Variants in DNAH11 observed in about 807,000 individuals in gnomAD.
DNAH11 encodes the protein dynein axonemal heavy chain 11, also known as axonemal beta dynein heavy chain 11.
Under a neutral mutation model 526.0 loss-of-function variants are expected in DNAH11, and 442 were observed. The observed-to-expected ratio is 0.84, with a 90% CI of 0.78 to 0.91. The LOEUF (loss-of-function observed/expected upper bound fraction) is 0.91, where lower values mean the gene tolerates loss of function less well. Among genes scored for constraint, DNAH11 ranks in the 40% least tolerant of loss-of-function variants. The pLI, the probability that DNAH11 is intolerant of heterozygous loss-of-function variation, is 0.00. For synonymous variants in DNAH11, 2,461 were observed against 1,935.9 expected, an observed-to-expected ratio of 1.27 and a Z score of -7.12; for missense variants, 6,989 against 5,448.7, an observed-to-expected ratio of 1.28 and a Z score of -8.90.
At chr7:21,568,297 T>C (rs1158286829) in intron 6 of DNAH11, among the ~76,000 whole-genome samples, 2 of 152,164 alleles carry the variant, frequency 1.3e-5, no homozygotes, top group African/African-American at 4.8e-5. Context: ...TGTGCGATGA[T>C]AGAGCTGGTG....
Position 21,663,770 on chromosome 7 carries a change from TA to T in DNAH11, c.5328+4742del, listed in dbSNP as rs397779093. Among the ~76,000 whole-genome samples, 7 of 151,280 alleles carry T rather than the reference TA, an allele frequency of 4.6e-5. No homozygotes were observed. In the East Asian group the frequency reaches 7.9e-4, roughly 17 times the overall value. On this transcript the variant is annotated intron_variant, in intron 30 of 81. Transcript: ENST00000409508. ...TGACAGGATTTCCTTTTTTTTTTTTTAAAGACACAATAGTATTTCATTGTGT... is the reference window on the plus strand; with the variant it reads ...TGACAGGATTTCCTTTTTTTTTTTTTAAGACACAATAGTATTTCATTGTGT...
At chr7:21,738,603 G>A in intron 46 of DNAH11, 98 bp from the exon 47 acceptor site, 1 of 1,261,424 alleles carries the variant, frequency 7.9e-7, no homozygotes, top group Non-Finnish European at 1.1e-6. Flanking sequence ...ACCACAGGGT[G>A]GATGAAATCG....
In DNAH11 at chr7:21,779,061, A is replaced by C; in HGVS notation, c.9440A>C (p.Lys3147Thr). Residue 3147 changes from lysine to threonine, a missense_variant, in exon 57 of 82, where the codon AAA becomes ACA. Lys to Thr is a moderately conservative substitution (Grantham distance 78). Coordinates refer to ENST00000409508, the MANE Select transcript of DNAH11 (RefSeq NM_001277115.2). ...ACAAAGATCGGCCTTCAGACGGAGA[A>C]AGTGAGCCGGGAAAAGACCATCGCT... is the stretch of plus-strand genomic sequence containing the variant. ...LITKIGLQTE[K>T]VSREKTIADA... The C allele has an allele frequency of 6.2e-7, 1 of 1,613,466 alleles. No individual in the cohort carries two copies. Among genetic ancestry groups the C allele is most frequent in the African/African-American group, 1.3e-5 (1 of 75,026 alleles).
chr7:21,728,566 A>G (rs1785241174), intron 45 of DNAH11, among the ~76,000 whole-genome samples: 1 of 152,018 alleles, frequency 6.6e-6, no homozygotes, highest in Admixed American at 6.6e-5. Flanking sequence ...GCCTACCAAC[A>G]GCCCAAAATT....
Position 21,619,145 on chromosome 7 carries a change from G to A in DNAH11, c.4300G>A (p.Ala1434Thr), listed in dbSNP as rs772534040. Residue 1434 changes from alanine to threonine, a missense_variant, in exon 24 of 82, where the codon GCA becomes ACA. Ala to Thr is a moderately conservative substitution (Grantham distance 58, BLOSUM62 0). Coordinates refer to ENST00000409508, the MANE Select transcript of DNAH11 (RefSeq NM_001277115.2). Reference sequence around the variant, plus strand: ...AGCCACAACTTTGGCAGATTTGTTAGCACTGCGGTTACACAGAGTGGAAGA... The same window carrying A: ...AGCCACAACTTTGGCAGATTTGTTAACACTGCGGTTACACAGAGTGGAAGA... Reference protein sequence around the residue: ...NEATTLADLLALRLHRVEDDV... With the variant: ...NEATTLADLLTLRLHRVEDDV... The A allele has an allele frequency of 1.9e-6, 3 of 1,613,664 alleles. No individual in the cohort carries two copies. The Admixed American group carries it at 5.0e-5, about 27-fold the overall frequency.
intron 2 of DNAH11, among the ~76,000 whole-genome samples, chr7:21,549,548 T>C (rs561100982): frequency 9.2e-5 from 14 of 152,290 alleles, no homozygotes; most frequent in African/African-American, 3.1e-4. Flanking sequence ...AGGGGGGTTT[T>C]TCCCTGTGGT....
Position 21,744,455 on chromosome 7 carries a change from T to A in DNAH11, c.8172T>A (p.Ser2724=). Residue 2724 remains serine (S), a synonymous_variant, in exon 50 of 82, where the codon TCT becomes TCA. Coordinates refer to ENST00000409508, the MANE Select transcript of DNAH11 (RefSeq NM_001277115.2). ...SNVFQGILFA[S]PECLKGPLDL... ...CCTTGTAGGGGATTTTATTTGCTTCTCCTGAGTGTTTAAAAGGTCCACTTG... is the reference window on the plus strand; with the variant it reads ...CCTTGTAGGGGATTTTATTTGCTTCACCTGAGTGTTTAAAAGGTCCACTTG... 1 of 1,613,836 alleles carries A rather than the reference T, an allele frequency of 6.2e-7. No individual in the cohort carries two copies. Among genetic ancestry groups the A allele is most frequent in the Non-Finnish European group, 8.5e-7 (1 of 1,179,776 alleles).
chr7:21,543,698 C>T (rs1037470631), intron 1 of DNAH11, 102 bp downstream of exon 1: 4 of 1,333,576 alleles, frequency 3.0e-6, no homozygotes, highest in Non-Finnish European at 4.1e-6. Context: ...CTCACTCGGG[C>T]ACTTTAACAA....
chr7:21,806,684 T>C lies in DNAH11; in HGVS notation c.10166-1199T>C, dbSNP rs532459755. On this transcript the variant is annotated intron_variant, in intron 62 of 81. Coordinates refer to ENST00000409508, the MANE Select transcript of DNAH11 (RefSeq NM_001277115.2). ...CTTGTACTAACAAATTGCTGATTTT[T>C]TTTCAGGTTCTATTAATTTGCATGT... Among the ~76,000 whole-genome samples the C allele has an allele frequency of 2.0e-5, 3 of 152,340 alleles. No homozygotes were observed. In the South Asian group the frequency reaches 6.2e-4, roughly 32 times the overall value.
Position 21,619,210 on chromosome 7 carries a change from G to C in DNAH11, c.4365G>C (p.Leu1455=). 6.2e-7 allele frequency: 1 copy of C among 1,612,944 alleles called. No individual in the cohort carries two copies. Among genetic ancestry groups the C allele is most frequent in the Non-Finnish European group, 8.5e-7 (1 of 1,179,388 alleles). ...RRIVDKAVKE[L]GTEKVITEIS... is the part of the protein sequence containing the mutation. ...TTGTGGACAAGGCGGTGAAAGAGCT[G>C]GGGACTGAGAAGGTAGTGTCCTCGG... The change falls in exon 24 of 82, where the codon CTG becomes CTC. Residue 1455 remains leucine, a synonymous_variant. Transcript: ENST00000409508.
At chr7:21,637,857 T>C (rs960336496) in intron 27 of DNAH11, among the ~76,000 whole-genome samples, 155 bp downstream of exon 27, 8 of 152,174 alleles carry the variant, frequency 5.3e-5, no homozygotes, top group African/African-American at 9.6e-5. Flanking sequence ...CTCGTACATA[T>C]GACATGGAAC....
Position 21,892,542 on chromosome 7 carries a change from C to G in DNAH11, c.12625C>G (p.Leu4209Val). Reference sequence around the variant, plus strand: ...TCCAGAAAGCCCGGCACTGTATGGCCTCCACCCAAATGCTGAAATAGAATT... The same window carrying G: ...TCCAGAAAGCCCGGCACTGTATGGCGTCCACCCAAATGCTGAAATAGAATT... ...LPPESPALYG[L>V]HPNAEIEFLT... The change falls in exon 77 of 82, where the codon CTC (leucine) becomes GTC (valine). Residue 4209 changes from leucine to valine, a missense_variant. Coordinates refer to ENST00000409508, the MANE Select transcript of DNAH11 (RefSeq NM_001277115.2). The G allele has an allele frequency of 1.2e-6, 2 of 1,613,992 alleles. No individual in the cohort carries two copies. Among genetic ancestry groups the G allele is most frequent in the South Asian group, 1.1e-5 (1 of 91,074 alleles).
intron 65 of DNAH11, among the ~76,000 whole-genome samples, chr7:21,835,774 G>A (rs919036738): frequency 1.3e-5 from 2 of 149,708 alleles, no homozygotes; most frequent in Admixed American, 1.3e-4. Flanking sequence ...GTAAGTAAGA[G>A]AACTAAAGGG....
chr7:21,790,541 C>G (rs1207952104), intron 61 of DNAH11, among the ~76,000 whole-genome samples: 2 of 152,200 alleles, frequency 1.3e-5, no homozygotes, highest in Non-Finnish European at 2.9e-5. Flanking sequence ...AACCACTCAT[C>G]CTAGTCCAGC....
intron 25 of DNAH11, among the ~76,000 whole-genome samples, chr7:21,621,946 AT>A (rs1786082971): frequency 6.6e-6 from 1 of 152,182 alleles, no homozygotes; most frequent in Non-Finnish European, 1.5e-5. Flanking sequence ...CCTATTCAAC[AT>A]AGTGTTGGAA....
At chr7:21,896,736 C>T (rs946583509) in intron 79 of DNAH11, among the ~76,000 whole-genome samples, 2 of 152,088 alleles carry the variant, frequency 1.3e-5, no homozygotes, top group Non-Finnish European at 2.9e-5. Context: ...TTCATTATAT[C>T]TTCAACTGTC....
At chr7:21,874,782 C>T (rs1405530611) in intron 74 of DNAH11, among the ~76,000 whole-genome samples, 2 of 151,998 alleles carry the variant, frequency 1.3e-5, no homozygotes, top group Non-Finnish European at 2.9e-5. Context: ...ATTGTCAAGT[C>T]TTTCAGTTTC....
intron 61 of DNAH11, among the ~76,000 whole-genome samples, chr7:21,794,422 C>T (rs2127990750): frequency 6.6e-6 from 1 of 152,254 alleles, no homozygotes; most frequent in South Asian, 2.1e-4. Flanking sequence ...TTGTAGTCAC[C>T]TGTTGAGTTC....
chr7:21,623,580 G>A (rs1786185035), intron 25 of DNAH11, among the ~76,000 whole-genome samples: 1 of 152,060 alleles, frequency 6.6e-6, no homozygotes, highest in Admixed American at 6.5e-5. Context: ...GTCCAACAAT[G>A]ATAGACTGGA....
Sources: allele counts gnomAD v4.1 joint callset (sites outside exome capture counted in the v4.1 genomes callset), GRCh38; gene constraint gnomAD v4.1.1; transcripts MANE v1.5; gene names NCBI Gene and HGNC (gene_info 2026-07-23, HGNC 2026-07-21).